The following GDNF variants were observed in gnomAD, a reference collection of about 807,000 sequenced individuals.
GDNF encodes glial cell derived neurotrophic factor.
Under a neutral mutation model 13.7 loss-of-function variants are expected in GDNF, and 5 were observed. The ratio of observed to expected loss-of-function variants is 0.36; its 90% CI spans 0.19 to 0.77. The LOEUF is 0.77. GDNF is among the 30% of genes least tolerant of loss of function. The pLI is 0.51. For missense variants in GDNF, 246 were observed against 274.3 expected (o/e 0.90, Z 0.73); for synonymous variants, 122 against 112.5 (o/e 1.08, Z -0.53).
At position 37,816,137 on chromosome 5, in the gene GDNF, T is replaced by A. The variant is rs1749922770; in HGVS notation, c.152-2A>T. 1 of 1,613,726 alleles carries A rather than the reference T, an allele frequency of 6.2e-7. No homozygotes were observed. ...CAGGATAATCCTCTGGCATATTTGCTGTTCAAAAAGAAAAGAGAAAATGGC... is the reference window on the plus strand; with the variant it reads ...CAGGATAATCCTCTGGCATATTTGCAGTTCAAAAAGAAAAGAGAAAATGGC... On this transcript the variant is annotated splice_acceptor_variant, in intron 2 of 2. Transcript: ENST00000326524. LOFTEE classifies it high-confidence loss of function.
rs1749921155 is a variant in GDNF at position 37,816,118 on chromosome 5, A to G, written c.169T>C (p.Tyr57His). The G allele has an allele frequency of 3.1e-6, 5 of 1,613,632 alleles. No individual in the cohort carries two copies. Among genetic ancestry groups the G allele is most frequent in the Non-Finnish European group, 4.2e-6 (5 of 1,179,506 alleles). Reference sequence around the variant, plus strand: ...ATGACATCATCGAACTGATCAGGATAATCCTCTGGCATATTTGCTGTTCAA... The same window carrying G: ...ATGACATCATCGAACTGATCAGGATGATCCTCTGGCATATTTGCTGTTCAA... ...LSSDSNMPED[Y>H]PDQFDDVMDF... Residue 57 changes from tyrosine to histidine, a missense_variant, in exon 3 of 3, where the codon TAT (tyrosine) becomes CAT (histidine). By Grantham distance (83) the Tyr-to-His change is moderately conservative. Transcript: ENST00000326524.
At chr5:37,830,838 C>T (rs1750500728) in intron 2 of GDNF, among the ~76,000 whole-genome samples, 1 of 152,220 alleles carries the variant, frequency 6.6e-6, no homozygotes, top group Admixed American at 6.5e-5. Context: ...AGTTAAGTGG[C>T]AAGGCTGGGG....
chr5:37,827,125 G>A (rs1434407670), intron 2 of GDNF, among the ~76,000 whole-genome samples: 2 of 151,548 alleles, frequency 1.3e-5, no homozygotes, highest in Non-Finnish European at 2.9e-5. Context: ...ATGTCATGCG[G>A]GAAAAAAAGA....
At chr5:37,832,875 T>TC (rs1473032248) in intron 2 of GDNF, among the ~76,000 whole-genome samples, 7 of 152,192 alleles carry the variant, frequency 4.6e-5, no homozygotes, top group Non-Finnish European at 8.8e-5. Context: ...TCTTTAAAGT[T>TC]CCCCAGGTGA....
chr5:37,837,967 C>T lies in GDNF; in HGVS notation c.-27+1540G>A, dbSNP rs893226258. 7.4e-6 allele frequency among the ~76,000 whole-genome samples: 1 copy of T among 134,428 alleles called. No homozygotes were observed. The highest frequency in any genetic ancestry group is 1.6e-5 in the Non-Finnish European group (1 of 63,010). The allele number at this position is 134,428 out of a possible 152,430, so 88.2% of individuals were successfully genotyped here. ...GAGAGAGAAAAAGGAGGCGGTGGGG[C>T]GGGGAGACGGGTTTGCTATAAACTC... On this transcript the variant is annotated intron_variant, in intron 1 of 2. Transcript: ENST00000326524. The surrounding 1 kb of genome is among the most constrained non-coding windows in gnomAD (Gnocchi z 6.5).
rs112309485 is a variant in GDNF, at chr5:37,838,737, A to G, written c.-27+770T>C. Reference sequence around the variant, plus strand: ...AATTAGCCTCGAGGTGGTGTAAAGTAGTGGCAGTGGTGGTGGGGTGTTTTT... The same window carrying G: ...AATTAGCCTCGAGGTGGTGTAAAGTGGTGGCAGTGGTGGTGGGGTGTTTTT... On this transcript the variant is annotated intron_variant, in intron 1 of 2. Transcript: ENST00000326524. The surrounding 1 kb of genome is among the most constrained non-coding windows in gnomAD (Gnocchi z 4.1). 0.04 allele frequency among the ~76,000 whole-genome samples: 6,114 copies of G among 152,292 alleles called. 410 individuals carry two copies. The highest frequency in any genetic ancestry group is 0.14 in the African/African-American group (5,755 of 41,550).
chr5:37,836,964 C>T (rs2910700), intron 1 of GDNF, among the ~76,000 whole-genome samples: 23,869 of 152,268 alleles, frequency 0.16, 2,478 homozygotes, highest in African/African-American at 0.29. Flanking sequence ...CTGCGGTTCC[C>T]GCCCTCGGCC....
chr5:37,829,456 G>T (rs1174244567), intron 2 of GDNF, among the ~76,000 whole-genome samples: 1 of 152,122 alleles, frequency 6.6e-6, no homozygotes, highest in East Asian at 1.9e-4. Flanking sequence ...CATCCATCCA[G>T]CCATCCGCCC....
rs71604877 is a variant in GDNF at position 37,813,560 on chromosome 5, CT to C, written c.*2090del. On this transcript the variant is annotated 3_prime_UTR_variant, in exon 3 of 3. Transcript: ENST00000326524. ...CCTATGCTTCCTCCTGCTCCAACCT[CT>C]TTTTTTTTTTTTTTTTTTTTTTGAG... is the stretch of plus-strand genomic sequence containing the variant. 6,509 of 86,796 alleles carry C rather than the reference CT, an allele frequency of 0.075. 140 individuals are homozygous for C. Among genetic ancestry groups the C allele is most frequent in the Non-Finnish European group, 0.097 (4,642 of 48,030 alleles). 5.4% of individuals were successfully genotyped at this position (86,796 alleles called of 1,614,324 possible). A position where few individuals can be genotyped will look rare whatever the true frequency, so the allele number is the denominator to read the frequency against.
In GDNF at chr5:37,838,386, G is replaced by A. The variant is rs531468225; in HGVS notation, c.-27+1121C>T. Among the ~76,000 whole-genome samples, 11 of 152,362 alleles carry A rather than the reference G, an allele frequency of 7.2e-5. No homozygotes were observed. The South Asian group carries it at 2.3e-3, about 32-fold the overall frequency. The stretch of plus-strand genomic sequence containing the variant: ...GGCTTTGACGGCTTTGCGGGACTGG[G>A]TGCGTGAATGAGGTTGGAAGAAACA... On this transcript the variant is annotated intron_variant, in intron 1 of 2. Transcript: ENST00000326524. This position sits in a 1 kb window ranked among gnomAD's most constrained non-coding sequence, Gnocchi z 4.1.
chr5:37,834,616 G>C lies in GDNF; in HGVS notation c.151+30C>G, dbSNP rs973908338. ...GGGGGTGCGAGGGGGTCCGCCGGCG[G>C]CCCCCCCGCGGGGAGGGAACGGTTC... On this transcript the variant is annotated intron_variant, in intron 2 of 2. Coordinates refer to ENST00000326524, the MANE Select transcript of GDNF (RefSeq NM_000514.4). 2.3e-5 allele frequency: 32 copies of C among 1,421,098 alleles called. No homozygotes were observed. In the African/African-American group the frequency reaches 3.3e-4, roughly 15 times the overall value. 88.0% of individuals were successfully genotyped at this position (1,421,098 alleles called of 1,614,324 possible).
At chr5:37,822,979 T>C (rs1750193478) in intron 2 of GDNF, among the ~76,000 whole-genome samples, 1 of 152,252 alleles carries the variant, frequency 6.6e-6, no homozygotes, top group African/African-American at 2.4e-5. Flanking sequence ...TAAAACTTCT[T>C]GCATTACAAA....
chr5:37,833,041 G>C (rs1282525497), intron 2 of GDNF, among the ~76,000 whole-genome samples: 1 of 152,242 alleles, frequency 6.6e-6, no homozygotes, highest in Non-Finnish European at 1.5e-5. Flanking sequence ...GAAAGTCACA[G>C]AGTTAGTTGA....
At chr5:37,827,171 T>C (rs1047242575) in intron 2 of GDNF, among the ~76,000 whole-genome samples, 3 of 150,502 alleles carry the variant, frequency 2.0e-5, no homozygotes, top group Non-Finnish European at 3.0e-5. Context: ...AGTATAAAGA[T>C]ACCAGACAGT....
rs1749857266 is a variant in GDNF at position 37,815,014 on chromosome 5, T to C, written c.*637A>G. 1 of 153,974 alleles carries C rather than the reference T, an allele frequency of 6.5e-6. No individual in the cohort carries two copies. Among genetic ancestry groups the C allele is most frequent in the Admixed American group, 6.4e-5 (1 of 15,582 alleles). The allele number at this position is 153,974 out of a possible 1,614,324, so 9.5% of individuals were successfully genotyped here. On this transcript the variant is annotated 3_prime_UTR_variant, in exon 3 of 3. Coordinates refer to ENST00000326524, the MANE Select transcript of GDNF (RefSeq NM_000514.4). The surrounding 1 kb of genome is among the most constrained non-coding windows in gnomAD (Gnocchi z 5.0). ...CTTCTTCCCACCCCACACACCGTGA[T>C]GGAAATCAATCACCAACCGTTGGCA...
chr5:37,816,215 TA>T, intron 2 of GDNF, 80 bp from the exon 3 acceptor site: 1 of 1,459,138 alleles, frequency 6.9e-7, no homozygotes. Context: ...AGTGCCCCCC[TA>T]AAGTCAGCAA....
intron 2 of GDNF, among the ~76,000 whole-genome samples, chr5:37,833,646 G>A (rs1750599591): frequency 6.6e-6 from 1 of 152,164 alleles, no homozygotes. Flanking sequence ...AGTTTCAAGC[G>A]CAAAGTTACT....
Position 37,837,846 on chromosome 5 carries a change from A to G in GDNF, c.-27+1661T>C, listed in dbSNP as rs1750761886. On this transcript the variant is annotated intron_variant, in intron 1 of 2. Coordinates refer to ENST00000326524, the MANE Select transcript of GDNF (RefSeq NM_000514.4). This position sits in a 1 kb window ranked among gnomAD's most constrained non-coding sequence, Gnocchi z 6.5. ...CCACGCGTCACCGTGACAGATTCGC[A>G]GGAGGCAGCGCTCCCGCCGTCAGTG... 6.6e-6 allele frequency among the ~76,000 whole-genome samples: 1 copy of G among 152,006 alleles called. No individual in the cohort carries two copies. Among genetic ancestry groups the G allele is most frequent in the Non-Finnish European group, 1.5e-5 (1 of 68,012 alleles).
Position 37,832,727 on chromosome 5 carries a change from G to A in GDNF, c.151+1919C>T, listed in dbSNP as rs1035243532. Among the ~76,000 whole-genome samples, 6 of 152,300 alleles carry A rather than the reference G, an allele frequency of 3.9e-5. No homozygotes were observed. The East Asian group carries it at 1.2e-3, about 29-fold the overall frequency. ...CCTTATATGAGCCAAAGATTTTCTTGGGTGTTATCAAGCCATGGTGATTCA... is the reference window on the plus strand; with the variant it reads ...CCTTATATGAGCCAAAGATTTTCTTAGGTGTTATCAAGCCATGGTGATTCA... On this transcript the variant is annotated intron_variant, in intron 2 of 2. Transcript: ENST00000326524.
Sources: allele counts gnomAD v4.1 joint callset (sites outside exome capture counted in the v4.1 genomes callset), GRCh38; gene constraint gnomAD v4.1.1; non-coding constraint Gnocchi (gnomAD v3.1); transcripts MANE v1.5; gene names NCBI Gene and HGNC (gene_info 2026-07-23, HGNC 2026-07-21).